GLCCI1: variants seen among roughly 807,000 people sequenced by gnomAD.
The protein encoded by GLCCI1 is glucocorticoid-induced transcript 1 protein.
GLCCI1 carries 24 observed loss-of-function variants against 52.2 expected under a neutral mutation model. That is an observed-to-expected ratio of 0.46 (90% CI 0.33 to 0.65). The LOEUF is 0.65. Among genes scored for constraint, GLCCI1 ranks in the 30% least tolerant of loss-of-function variants. The probability of loss-of-function intolerance (pLI) is 0.02; values close to 1 mark genes in which losing one functional copy is unlikely to be tolerated. For synonymous variants in GLCCI1, 310 were observed against 276.5 expected (o/e 1.12, Z -1.20); for missense variants, 704 against 701.5 (o/e 1.00, Z -0.04).
chr7:7,992,129 CAT>C (rs199766040), intron 1 of GLCCI1, among the ~76,000 whole-genome samples: 20 of 124,504 alleles, frequency 1.6e-4, no homozygotes, highest in Non-Finnish European at 2.6e-4. Flanking sequence ...CTCTCTCTCT[CAT>C]ATATATATAT....
chr7:8,086,284 A>G lies in GLCCI1; in HGVS notation c.1390A>G (p.Lys464Glu). The G allele has an allele frequency of 6.2e-7, 1 of 1,614,160 alleles. No individual in the cohort carries two copies. Among genetic ancestry groups the G allele is most frequent in the Non-Finnish European group, 8.5e-7 (1 of 1,180,032 alleles). Reference protein sequence around the residue: ...IPTGSAFCPVKLLGPLLPASD... With the variant: ...IPTGSAFCPVELLGPLLPASD... ...AACCGGATCAGCTTTCTGTCCTGTA[A>G]AACTTCTAGGCCCCCTCTTACCTGC... The change falls in exon 8 of 8, where the codon AAA becomes GAA. Residue 464 changes from lysine to glutamate, a missense_variant. Physicochemically the swap from Lys to Glu is moderately conservative, Grantham distance 56. This residue lies in a region of GLCCI1 where 149 missense variants were observed against 152.9 expected (regional missense o/e 0.97). Transcript: ENST00000223145. This position sits in a 1 kb window ranked among gnomAD's most constrained non-coding sequence, Gnocchi z 4.4.
intron 6 of GLCCI1, among the ~76,000 whole-genome samples, chr7:8,083,456 A>G (rs573972191): frequency 8.5e-5 from 13 of 152,270 alleles, no homozygotes; most frequent in East Asian, 7.7e-4. Context: ...CAGACCTCCA[A>G]TCAGGCTAAT....
At position 7,969,947 on chromosome 7, in the gene GLCCI1, G is replaced by C; in HGVS notation, c.457+140G>C. The C allele has an allele frequency of 9.1e-7, 1 of 1,100,866 alleles. No individual in the cohort carries two copies. Among genetic ancestry groups the C allele is most frequent in the African/African-American group, 1.7e-5 (1 of 59,360 alleles). 68.2% of individuals were successfully genotyped at this position (1,100,866 alleles called of 1,614,324 possible). ...GTGGCTTTGGGAATCTCACCCCCCT[G>C]CGGTCGCTGTGGGGCTTGGAGGAGC... On this transcript the variant is annotated intron_variant, in intron 1 of 7. Transcript: ENST00000223145. The surrounding 1 kb of genome is among the most constrained non-coding windows in gnomAD (Gnocchi z 4.9).
At position 8,060,122 on chromosome 7, in the gene GLCCI1, G is replaced by A. The variant is rs867405262; in HGVS notation, c.840G>A (p.Met280Ile). The change falls in exon 5 of 8, where the codon ATG (methionine) becomes ATA (isoleucine). Residue 280 changes from methionine (M) to isoleucine (I), a missense_variant. Physicochemically the swap from Met to Ile is conservative, Grantham distance 10. Coordinates refer to ENST00000223145, the MANE Select transcript of GLCCI1 (RefSeq NM_138426.4). Reference protein sequence around the residue: ...TQATGSRSVPMPLSNISVPKS... With the variant: ...TQATGSRSVPIPLSNISVPKS... ...CTACTGGATCAAGGTCAGTTCCTAT[G>A]CCACTGTCAAATATATCAGTGCCAA... 1 of 1,613,560 alleles carries A rather than the reference G, an allele frequency of 6.2e-7. No individual in the cohort carries two copies. Among genetic ancestry groups the A allele is most frequent in the Non-Finnish European group, 8.5e-7 (1 of 1,179,766 alleles).
chr7:7,999,896 C>A (rs529191072), intron 1 of GLCCI1, among the ~76,000 whole-genome samples: 1 of 152,016 alleles, frequency 6.6e-6, no homozygotes, highest in African/African-American at 2.4e-5. Flanking sequence ...AGAACTAGAC[C>A]GTCTGTAGAA....
intron 3 of GLCCI1, among the ~76,000 whole-genome samples, chr7:8,050,021 T>C (rs765186055): frequency 2.0e-5 from 3 of 152,228 alleles, no homozygotes; most frequent in Non-Finnish European, 2.9e-5. Context: ...TTAAAACTTA[T>C]ATGTATAAAA....
chr7:8,080,657 A>G (rs1782975699), intron 6 of GLCCI1, among the ~76,000 whole-genome samples: 1 of 150,066 alleles, frequency 6.7e-6, no homozygotes, highest in Admixed American at 6.6e-5. Context: ...TCTATTGAAA[A>G]CATTTCCTTT....
At chr7:7,990,218 G>A (rs1399424932) in intron 1 of GLCCI1, among the ~76,000 whole-genome samples, 1 of 152,038 alleles carries the variant, frequency 6.6e-6, no homozygotes, top group Non-Finnish European at 1.5e-5. Context: ...TATCATCTGA[G>A]ATTAATTCAC....
rs182961803 is a variant in GLCCI1, at chr7:8,027,654, A to G, written c.696+5085A>G. Among the ~76,000 whole-genome samples the G allele has an allele frequency of 9.9e-5, 15 of 152,258 alleles. No homozygotes were observed. In the East Asian group the frequency reaches 2.9e-3, roughly 29 times the overall value. Reference sequence around the variant, plus strand: ...GGAATGTAAATGGACTAAACTCTCCAAACAAAAGACAACGAGTGGCTGAAT... The same window carrying G: ...GGAATGTAAATGGACTAAACTCTCCGAACAAAAGACAACGAGTGGCTGAAT... On this transcript the variant is annotated intron_variant, in intron 3 of 7. Transcript: ENST00000223145.
At chr7:7,990,372 A>G (rs1359152430) in intron 1 of GLCCI1, among the ~76,000 whole-genome samples, 3 of 152,140 alleles carry the variant, frequency 2.0e-5, no homozygotes, top group African/African-American at 7.2e-5. Flanking sequence ...TCAATCGGTA[A>G]TATCAATTGA....
chr7:8,069,802 C>T (rs1782714721), intron 5 of GLCCI1, among the ~76,000 whole-genome samples: 1 of 152,160 alleles, frequency 6.6e-6, no homozygotes, highest in South Asian at 2.1e-4. Flanking sequence ...TTCATTTCCC[C>T]TCTTGACAGT....
At chr7:8,039,888 T>C (rs958807652) in intron 3 of GLCCI1, among the ~76,000 whole-genome samples, 1 of 151,890 alleles carries the variant, frequency 6.6e-6, no homozygotes, top group African/African-American at 2.4e-5. Flanking sequence ...TCCCAGTTAC[T>C]TGGGCGGTTG....
At chr7:7,970,256 G>C (rs539889808) in intron 1 of GLCCI1, among the ~76,000 whole-genome samples, 1 of 152,104 alleles carries the variant, frequency 6.6e-6, no homozygotes, top group Non-Finnish European at 1.5e-5. Flanking sequence ...TTTTTTAGAG[G>C]GTTGGTGGCA....
rs535993890 is a variant in GLCCI1, at chr7:8,062,620, C to T, written c.966+2372C>T. On this transcript the variant is annotated intron_variant, in intron 5 of 7. Coordinates refer to ENST00000223145, the MANE Select transcript of GLCCI1 (RefSeq NM_138426.4). ...TTTTCAATCCTCACCCTACTCCCAT[C>T]TTCTAACCCTCAAGTAGGCCCTGAT... Among the ~76,000 whole-genome samples, 5 of 152,318 alleles carry T rather than the reference C, an allele frequency of 3.3e-5. No homozygotes were observed. In the South Asian group the frequency reaches 8.3e-4, roughly 25 times the overall value.
At chr7:7,974,328 G>C (rs941552246) in intron 1 of GLCCI1, among the ~76,000 whole-genome samples, 1 of 152,220 alleles carries the variant, frequency 6.6e-6, no homozygotes, top group South Asian at 2.1e-4. Flanking sequence ...TATTGTAAGC[G>C]TATTGAATAT....
chr7:7,980,947 C>A, intron 1 of GLCCI1: 2 of 586,762 alleles, frequency 3.4e-6, no homozygotes, highest in Non-Finnish European at 6.3e-6. Flanking sequence ...TACAAGGGAA[C>A]AATTAAAGAG....
chr7:7,996,875 C>G (rs2115420986), intron 1 of GLCCI1, among the ~76,000 whole-genome samples: 1 of 152,322 alleles, frequency 6.6e-6, no homozygotes, highest in East Asian at 1.9e-4. Context: ...ATTTCAGATT[C>G]TACCCACACT....
Position 7,969,756 on chromosome 7 carries a change from C to T in GLCCI1, c.406C>T (p.Arg136Trp), listed in dbSNP as rs1470291485. Reference protein sequence around the residue: ...GRPRRSPESHRRSSSPERRSP... With the variant: ...GRPRRSPESHWRSSSPERRSP... Reference sequence around the variant, plus strand: ...CCCGAGACGGTCCCCAGAGAGCCACCGGAGGAGCAGCTCACCTGAGAGACG... The same window carrying T: ...CCCGAGACGGTCCCCAGAGAGCCACTGGAGGAGCAGCTCACCTGAGAGACG... The change falls in exon 1 of 8, where the codon CGG becomes TGG. Residue 136 changes from arginine to tryptophan, a missense_variant. By Grantham distance (101) the Arg-to-Trp change is moderately radical. This residue lies in a region of GLCCI1 where 547 missense variants were observed against 524.8 expected (regional missense o/e 1.04). Transcript: ENST00000223145. This position sits in a 1 kb window ranked among gnomAD's most constrained non-coding sequence, Gnocchi z 4.9. The T allele has an allele frequency of 1.4e-6, 2 of 1,479,056 alleles. No individual in the cohort carries two copies. The highest frequency in any genetic ancestry group is 1.8e-6 in the Non-Finnish European group (2 of 1,119,064). 91.6% of individuals were successfully genotyped at this position (1,479,056 alleles called of 1,614,324 possible).
chr7:8,078,506 A>C (rs982883564), intron 6 of GLCCI1: 1 of 152,238 alleles, frequency 6.6e-6, no homozygotes, highest in Non-Finnish European at 1.5e-5. Flanking sequence ...ATATGTATAT[A>C]ATTCATTCTA....
Sources: gnomAD v4.1 joint callset for allele counts (sites outside exome capture counted in the v4.1 genomes callset) on GRCh38, gnomAD v4.1.1 for gene constraint, gnomAD v4.1.1 regional missense constraint, Gnocchi (gnomAD v3.1) non-coding constraint, MANE v1.5 for transcripts, NCBI Gene and HGNC (gene_info 2026-07-23, HGNC 2026-07-21) for gene names.